PLEKHO2: variants seen among roughly 807,000 people sequenced by gnomAD.
PLEKHO2 encodes pleckstrin homology domain-containing family O member 2.
PLEKHO2 carries 20 observed loss-of-function variants against 32.7 expected under a neutral mutation model. The ratio of observed to expected loss-of-function variants is 0.61; its 90% CI spans 0.43 to 0.89. The LOEUF (loss-of-function observed/expected upper bound fraction) is 0.89, where lower values mean the gene tolerates loss of function less well. Ranked by LOEUF, PLEKHO2 falls within the 40% of genes least tolerant of loss-of-function variation. PLEKHO2 has a pLI of 0.00. For synonymous variants in PLEKHO2, 247 were observed against 246.3 expected, an observed-to-expected ratio of 1.00 and a Z score of -0.03; for missense variants, 568 against 621.2, an observed-to-expected ratio of 0.91 and a Z score of 0.91.
intron 4 of PLEKHO2, among the ~76,000 whole-genome samples, 199 bp from the exon 5 acceptor site, chr15:64,861,278 C>T (rs2084638779): frequency 1.3e-5 from 2 of 152,208 alleles, no homozygotes; most frequent in Non-Finnish European, 2.9e-5. Context: ...CAAATGGCAG[C>T]TGCAGAGAGG....
At chr15:64,846,269 C>T (rs963984644) in intron 1 of PLEKHO2, among the ~76,000 whole-genome samples, 3 of 151,864 alleles carry the variant, frequency 2.0e-5, no homozygotes, top group Non-Finnish European at 4.4e-5. Flanking sequence ...CAGGGTGGCT[C>T]ATAATCGGCC....
intron 5 of PLEKHO2, among the ~76,000 whole-genome samples, chr15:64,862,874 C>CATTTAG (rs2084652479): frequency 6.6e-6 from 1 of 151,652 alleles, no homozygotes; most frequent in African/African-American, 2.4e-5. Context: ...TGTGCTGCAC[C>CATTTAG]CATTAACTCG....
intron 5 of PLEKHO2, among the ~76,000 whole-genome samples, chr15:64,863,523 G>T (rs1033690392): frequency 5.1e-5 from 3 of 58,474 alleles, no homozygotes; most frequent in South Asian, 6.1e-4. Flanking sequence ...GTGTGTTTGT[G>T]TGTGTGTGTG....
At position 64,867,210 on chromosome 15, in the gene PLEKHO2, T is replaced by G. The variant is rs1312611316; in HGVS notation, c.*1322T>G. ...TTTCTGCATGTGCACTTTTGTTTAC[T>G]GAAAGAGAGAAAGGGGGGGGTCACA... On this transcript the variant is annotated 3_prime_UTR_variant, in exon 6 of 6. Coordinates refer to ENST00000323544, the MANE Select transcript of PLEKHO2 (RefSeq NM_025201.5). 1.3e-5 allele frequency: 2 copies of G among 152,748 alleles called. No individual in the cohort carries two copies. The highest frequency in any genetic ancestry group is 2.9e-5 in the Non-Finnish European group (2 of 68,128). The allele number at this position is 152,748 out of a possible 1,614,324, so 9.5% of individuals were successfully genotyped here.
intron 4 of PLEKHO2, 109 bp downstream of exon 4, chr15:64,860,107 C>T: frequency 1.1e-6 from 1 of 903,500 alleles, no homozygotes; most frequent in Non-Finnish European, 1.8e-6. Context: ...TTGATTATGT[C>T]ACTGCTATGG....
intron 5 of PLEKHO2, among the ~76,000 whole-genome samples, chr15:64,863,516 TGTTTGTG>T (rs2084657875): frequency 9.3e-6 from 1 of 107,176 alleles, no homozygotes; most frequent in Non-Finnish European, 1.9e-5. Flanking sequence ...TGTGTGTGTG[TGTTTGTG>T]TGTGTGTGTG....
chr15:64,854,749 C>T (rs568792237), intron 2 of PLEKHO2, among the ~76,000 whole-genome samples, 172 bp from the exon 3 acceptor site: 165 of 152,348 alleles, frequency 1.1e-3, no homozygotes, highest in Non-Finnish European at 5.1e-4. Flanking sequence ...AGCCAGCATG[C>T]ACTTGCCAGG....
At chr15:64,851,168 C>T (rs183031484) in intron 2 of PLEKHO2, among the ~76,000 whole-genome samples, 2 of 152,254 alleles carry the variant, frequency 1.3e-5, no homozygotes, top group East Asian at 1.9e-4. Flanking sequence ...AATGAGGGTG[C>T]GTAGACAGCA....
intron 3 of PLEKHO2, among the ~76,000 whole-genome samples, chr15:64,858,837 A>C (rs1251093926): frequency 6.6e-6 from 1 of 152,162 alleles, no homozygotes; most frequent in African/African-American, 2.4e-5. Context: ...AAATACATTC[A>C]TGGTGTTGTA....
intron 1 of PLEKHO2, among the ~76,000 whole-genome samples, chr15:64,842,654 A>G (rs1249950900): frequency 6.6e-6 from 1 of 152,084 alleles, no homozygotes; most frequent in East Asian, 1.9e-4. Flanking sequence ...CTGAGCAGCT[A>G]GCTGTAGGGA....
At chr15:64,860,520 C>A (rs2084634160) in intron 4 of PLEKHO2, among the ~76,000 whole-genome samples, 1 of 152,232 alleles carries the variant, frequency 6.6e-6, no homozygotes, top group African/African-American at 2.4e-5. Flanking sequence ...GGCAGAGCAT[C>A]CCATGGGGCC....
rs2084697038 is a variant in PLEKHO2 at position 64,867,411 on chromosome 15, AATGCACTGGT to A, written c.*1524_*1533del. ...TGGGGCCGGAGCAGAGGTGAGCAGCAATGCACTGGTTCGGGAGCCCCCATCAGCCTCCTTG... is the reference window on the plus strand; with the variant it reads ...TGGGGCCGGAGCAGAGGTGAGCAGCATCGGGAGCCCCCATCAGCCTCCTTG... On this transcript the variant is annotated 3_prime_UTR_variant, in exon 6 of 6. Transcript: ENST00000323544. The A allele has an allele frequency of 6.6e-6, 1 of 152,364 alleles. No individual in the cohort carries two copies. Among genetic ancestry groups the A allele is most frequent in the African/African-American group, 2.4e-5 (1 of 41,462 alleles). 9.4% of individuals were successfully genotyped at this position (152,364 alleles called of 1,614,324 possible).
Position 64,854,973 on chromosome 15 carries a change from A to G in PLEKHO2, c.215A>G (p.Gln72Arg). ...TVELGSYEKC[Q>R]DLRALLKRKH... Reference sequence around the variant, plus strand: ...GAGCTGGGCAGCTATGAGAAGTGCCAGGACCTTCGTGCCCTCCTCAAGCGA... The same window carrying G: ...GAGCTGGGCAGCTATGAGAAGTGCCGGGACCTTCGTGCCCTCCTCAAGCGA... The change falls in exon 3 of 6, where the codon CAG (glutamine) becomes CGG (arginine). Residue 72 changes from glutamine to arginine, a missense_variant. Physicochemically the swap from Gln to Arg is conservative, Grantham distance 43. Coordinates refer to ENST00000323544, the MANE Select transcript of PLEKHO2 (RefSeq NM_025201.5). The G allele has an allele frequency of 1.2e-6, 2 of 1,610,894 alleles. No individual in the cohort carries two copies. Among genetic ancestry groups the G allele is most frequent in the Non-Finnish European group, 1.7e-6 (2 of 1,178,690 alleles).
chr15:64,849,042 C>G (rs1388299671), intron 2 of PLEKHO2, among the ~76,000 whole-genome samples: 1 of 147,690 alleles, frequency 6.8e-6, no homozygotes, highest in Non-Finnish European at 1.5e-5. Context: ...GTGGCGAGAT[C>G]TCGGATCACT....
chr15:64,864,862 A>C, intron 5 of PLEKHO2, 37 bp from the exon 6 acceptor site: 1 of 1,535,478 alleles, frequency 6.5e-7, no homozygotes, highest in Non-Finnish European at 8.8e-7. Flanking sequence ...ATGGCTAGTC[A>C]GCCAAGATGA....
chr15:64,850,646 C>A (rs965554162), intron 2 of PLEKHO2, among the ~76,000 whole-genome samples: 1 of 152,162 alleles, frequency 6.6e-6, no homozygotes, highest in African/African-American at 2.4e-5. Context: ...CTGCTGGTTG[C>A]AACTTCTGCT....
At chr15:64,851,934 A>G (rs112690341) in intron 2 of PLEKHO2, among the ~76,000 whole-genome samples, 53 of 152,182 alleles carry the variant, frequency 3.5e-4, no homozygotes, top group Middle Eastern at 3.4e-3. Flanking sequence ...ATTCCCGGGG[A>G]GGAGGAGACT....
intron 1 of PLEKHO2, among the ~76,000 whole-genome samples, chr15:64,847,570 G>A (rs2084532202): frequency 6.6e-6 from 1 of 152,084 alleles, no homozygotes; most frequent in African/African-American, 2.4e-5. Context: ...TGGGTGCTGG[G>A]GACCCAGAAG....
chr15:64,855,527 T>A (rs1412146072), intron 3 of PLEKHO2, among the ~76,000 whole-genome samples: 1 of 152,222 alleles, frequency 6.6e-6, no homozygotes, highest in Non-Finnish European at 1.5e-5. Context: ...CTAGGAGGCC[T>A]GCAGCCCCCC....
Sources: gnomAD v4.1 joint callset for allele counts (sites outside exome capture counted in the v4.1 genomes callset) on GRCh38, gnomAD v4.1.1 for gene constraint, MANE v1.5 for transcripts, NCBI Gene and HGNC (gene_info 2026-07-23, HGNC 2026-07-21) for gene names.